Variants in SLC39A11 observed in about 807,000 individuals in gnomAD.
SLC39A11 encodes the protein solute carrier family 39 member 11, also known as zinc transporter ZIP11.
SLC39A11 carries 33 observed loss-of-function variants against 36.1 expected under a neutral mutation model. That is an observed-to-expected ratio of 0.91 (90% CI 0.69 to 1.22). The LOEUF is 1.22. SLC39A11 is among the 50% of genes most tolerant of loss of function. SLC39A11 has a pLI of 0.00. For missense variants in SLC39A11, 432 were observed against 430.3 expected, an observed-to-expected ratio of 1.00 and a Z score of -0.03; for synonymous variants, 166 against 170.3, an observed-to-expected ratio of 0.97 and a Z score of 0.20.
chr17:72,970,719 G>A (rs967037761), intron 4 of SLC39A11, among the ~76,000 whole-genome samples: 19 of 152,358 alleles, frequency 1.2e-4, no homozygotes, highest in African/African-American at 4.6e-4. Context: ...GGCAATCCAG[G>A]AGTGCCTGGG....
At chr17:72,773,866 A>C (rs2076042270) in intron 6 of SLC39A11, among the ~76,000 whole-genome samples, 1 of 152,228 alleles carries the variant, frequency 6.6e-6, no homozygotes, top group Non-Finnish European at 1.5e-5. Context: ...ACAGGGGCTG[A>C]AGCGCGAAAC....
chr17:72,702,104 T>A lies in SLC39A11; in HGVS notation c.671+34546A>T, dbSNP rs2072672790. 2.3e-5 allele frequency among the ~76,000 whole-genome samples: 3 copies of A among 130,304 alleles called. No homozygotes were observed. In the South Asian group the frequency reaches 7.6e-4, roughly 33 times the overall value. The allele number at this position is 130,304 out of a possible 152,430, so 85.5% of individuals were successfully genotyped here. A position where few individuals can be genotyped will look rare whatever the true frequency, so the allele number is the denominator to read the frequency against. ...CTAGGTAATGGAGTGAGACTCTGTC[T>A]CCATAAAATAAAATAAAAAAGAACA... On this transcript the variant is annotated intron_variant, in intron 7 of 9. Transcript: ENST00000255559.
intron 5 of SLC39A11, among the ~76,000 whole-genome samples, chr17:72,851,362 T>A (rs2079310453): frequency 6.6e-6 from 1 of 152,168 alleles, no homozygotes. Context: ...AGCTTTCAGT[T>A]CACAGCATGG....
At chr17:73,019,198 T>C (rs1356611569) in intron 4 of SLC39A11, among the ~76,000 whole-genome samples, 1 of 152,120 alleles carries the variant, frequency 6.6e-6, no homozygotes, top group Non-Finnish European at 1.5e-5. Flanking sequence ...GTTCTCCAGA[T>C]GGAAGAAAAA....
chr17:72,715,259 A>G (rs139890011), intron 7 of SLC39A11, among the ~76,000 whole-genome samples: 1 of 152,338 alleles, frequency 6.6e-6, no homozygotes, highest in African/African-American at 2.4e-5. Context: ...AAAAATTAAA[A>G]ATCAAATTAC....
chr17:72,775,867 C>T (rs1048744336), intron 6 of SLC39A11, among the ~76,000 whole-genome samples: 4 of 152,210 alleles, frequency 2.6e-5, no homozygotes, highest in Non-Finnish European at 5.9e-5. Context: ...AACTTGGCCC[C>T]GGCCGGCTTC....
In SLC39A11 at chr17:73,084,727, G is replaced by A. The variant is rs2060663246; in HGVS notation, c.147+81C>T. 3.9e-5 allele frequency: 54 copies of A among 1,399,090 alleles called. No homozygotes were observed. In the South Asian group the frequency reaches 6.2e-4, roughly 16 times the overall value. 86.7% of individuals were successfully genotyped at this position (1,399,090 alleles called of 1,614,324 possible). ...GAGATGCATCTAGGTCGCAAGGGGA[G>A]GGACTGAAGACAGCCCTTGGCAGAC... On this transcript the variant is annotated intron_variant, in intron 3 of 9. Coordinates refer to ENST00000255559, the MANE Select transcript of SLC39A11 (RefSeq NM_139177.4).
chr17:72,772,204 C>T (rs998511223), intron 6 of SLC39A11, among the ~76,000 whole-genome samples: 1 of 152,032 alleles, frequency 6.6e-6, no homozygotes, highest in African/African-American at 2.4e-5. Context: ...CCAGGAAGGG[C>T]AGTCTTTGGG....
At chr17:73,017,654 G>A (rs9900470) in intron 4 of SLC39A11, among the ~76,000 whole-genome samples, 4,351 of 152,046 alleles carry the variant, frequency 0.029, 76 homozygotes, top group African/African-American at 0.051. Flanking sequence ...CGGAGGTTGC[G>A]GTGAGCTAAG....
chr17:72,664,726 C>G (rs1472944991), intron 7 of SLC39A11, among the ~76,000 whole-genome samples: 19 of 152,254 alleles, frequency 1.2e-4, no homozygotes, highest in Non-Finnish European at 2.8e-4. Context: ...GGGCCAGGGC[C>G]CACATCCCCT....
At chr17:72,869,700 A>C (rs963474641) in intron 5 of SLC39A11, among the ~76,000 whole-genome samples, 1 of 151,962 alleles carries the variant, frequency 6.6e-6, no homozygotes, top group Non-Finnish European at 1.5e-5. Context: ...ATTTTTAAAA[A>C]TTGATTTTCA....
At chr17:73,029,663 C>A (rs1175655903) in intron 4 of SLC39A11, among the ~76,000 whole-genome samples, 1 of 151,886 alleles carries the variant, frequency 6.6e-6, no homozygotes, top group Admixed American at 6.6e-5. Context: ...CTCACTGCAA[C>A]CTCCACCTCC....
chr17:72,696,916 C>T, intron 7 of SLC39A11, among the ~76,000 whole-genome samples: 1 of 152,186 alleles, frequency 6.6e-6, no homozygotes, highest in Non-Finnish European at 1.5e-5. Context: ...TCAGCAGCTG[C>T]GTTTTATAGA....
At chr17:72,860,996 G>A (rs1303794024) in intron 5 of SLC39A11, among the ~76,000 whole-genome samples, 12 of 152,104 alleles carry the variant, frequency 7.9e-5, no homozygotes, top group Non-Finnish European at 1.5e-4. Context: ...CACATAACAC[G>A]TACAACACAA....
rs1567912992 is a variant in SLC39A11 at position 72,900,200 on chromosome 17, A to AGAAGGAAGGAAG, written c.430+47551_430+47552insCTTCCTTCCTTC. 1.3e-3 allele frequency among the ~76,000 whole-genome samples: 171 copies of AGAAGGAAGGAAG among 136,758 alleles called. 16 individuals are homozygous for AGAAGGAAGGAAG. The highest frequency in any genetic ancestry group is 4.9e-3 in the African/African-American group (166 of 33,876). 89.7% of individuals were successfully genotyped at this position (136,758 alleles called of 152,430 possible). On this transcript the variant is annotated intron_variant, in intron 5 of 9. Coordinates refer to ENST00000255559, the MANE Select transcript of SLC39A11 (RefSeq NM_139177.4). ...AAGAAAGAAAGAAAGAAAGAAAGAA[A>AGAAGGAAGGAAG]GAAAGAAAGAAAGAAAGAAAGAAAG...
intron 4 of SLC39A11, among the ~76,000 whole-genome samples, chr17:73,029,844 A>C (rs2058683331): frequency 6.6e-6 from 1 of 152,154 alleles, no homozygotes. Flanking sequence ...AGACTCCCAA[A>C]GTGTTGGAAT....
intron 2 of SLC39A11, among the ~76,000 whole-genome samples, chr17:73,086,711 T>C (rs1051636544): frequency 6.6e-6 from 1 of 152,100 alleles, no homozygotes; most frequent in African/African-American, 2.4e-5. Flanking sequence ...TCTCAGCTAC[T>C]TGGGAGGCTG....
At chr17:72,994,604 T>C (rs1326921363) in intron 4 of SLC39A11, among the ~76,000 whole-genome samples, 11 of 152,160 alleles carry the variant, frequency 7.2e-5, no homozygotes, top group Admixed American at 7.2e-4. Context: ...TCATATTTCA[T>C]AATAAAGTGA....
chr17:72,983,816 A>G (rs557346188), intron 4 of SLC39A11, among the ~76,000 whole-genome samples: 1 of 152,316 alleles, frequency 6.6e-6, no homozygotes, highest in South Asian at 2.1e-4. Context: ...AGTCGGAAGA[A>G]AAGAGGGGTT....
Sources: gnomAD v4.1 joint callset for allele counts (sites outside exome capture counted in the v4.1 genomes callset) on GRCh38, gnomAD v4.1.1 for gene constraint, MANE v1.5 for transcripts, NCBI Gene and HGNC (gene_info 2026-07-23, HGNC 2026-07-21) for gene names.